Variants in ACTR3C observed in about 807,000 individuals in gnomAD.
The protein encoded by ACTR3C is actin related protein 3C.
In ACTR3C, 18 loss-of-function variants were observed where a neutral mutation model predicts 26.3. The ratio of observed to expected loss-of-function variants is 0.68; its 90% confidence interval spans 0.47 to 1.01. ACTR3C has a LOEUF of 1.01. Among genes scored for constraint, ACTR3C ranks in the 50% least tolerant of loss-of-function variants. The pLI, the probability that ACTR3C is intolerant of heterozygous loss-of-function variation, is 0.00. For missense variants in ACTR3C, 184 were observed against 250.7 expected (o/e 0.73, Z 1.80); for synonymous variants, 55 against 94.5 (o/e 0.58, Z 2.42).
the ACTR3C span, among the ~76,000 whole-genome samples, chr7:149,956,503 T>C: frequency 1.4e-4 from 22 of 152,334 alleles, no homozygotes; most frequent in South Asian, 2.1e-4. Context: ...AACTATACTA[T>C]AGTGAAGTGT....
At chr7:149,963,299 C>T in the ACTR3C span, among the ~76,000 whole-genome samples, 1 of 152,144 alleles carries the variant, frequency 6.6e-6, no homozygotes, top group African/African-American at 2.4e-5. Flanking sequence ...ACAGCCCCAC[C>T]CTGACATTTT....
chr7:150,257,328 A>G lies in ACTR3C; in HGVS notation c.565-8274T>C, dbSNP rs560003965. On this transcript the variant is annotated intron_variant, in intron 6 of 7. Transcript: ENST00000683684. ...GAATGACATAGCTCAGACAATTAGG[A>G]AGACCTAATTTTTAGAACTGCAGAG... 1.6e-4 allele frequency among the ~76,000 whole-genome samples: 24 copies of G among 152,284 alleles called. No homozygotes were observed. The South Asian group carries it at 4.6e-3, about 29-fold the overall frequency.
At chr7:149,896,051 A>G in the ACTR3C span, among the ~76,000 whole-genome samples, 1 of 131,066 alleles carries the variant, frequency 7.6e-6, no homozygotes, top group Admixed American at 7.7e-5. Context: ...AAAAAAAAAA[A>G]AAAAACACAA....
At chr7:150,101,946 C>T in the ACTR3C span, among the ~76,000 whole-genome samples, 91 of 151,754 alleles carry the variant, frequency 6.0e-4, 4 homozygotes, top group Middle Eastern at 3.4e-3. Context: ...GTTACAAAAG[C>T]TTTAATAGGA....
At chr7:150,060,676 C>T in the ACTR3C span, among the ~76,000 whole-genome samples, 2 of 152,276 alleles carry the variant, frequency 1.3e-5, no homozygotes, top group Non-Finnish European at 2.9e-5. Context: ...TGGAGCTTGA[C>T]CTCGCCACTT....
the ACTR3C span, among the ~76,000 whole-genome samples, chr7:149,978,866 G>T: frequency 6.6e-6 from 1 of 152,062 alleles, no homozygotes; most frequent in South Asian, 2.1e-4. Context: ...TTCTCAAGAG[G>T]ACTGATCCCA....
At chr7:150,041,917 G>GA in the ACTR3C span, among the ~76,000 whole-genome samples, 7 of 151,282 alleles carry the variant, frequency 4.6e-5, no homozygotes, top group Non-Finnish European at 8.9e-5. Flanking sequence ...AGCCAGGGGG[G>GA]GAAGAGGGTC....
chr7:149,958,462 C>G, the ACTR3C span, among the ~76,000 whole-genome samples: 1 of 152,204 alleles, frequency 6.6e-6, no homozygotes, highest in Non-Finnish European at 1.5e-5. Flanking sequence ...TACAGAGTTA[C>G]CTGCCTGATC....
the ACTR3C span, among the ~76,000 whole-genome samples, chr7:150,137,269 A>AATACCAGC: frequency 6.6e-6 from 1 of 152,126 alleles, no homozygotes; most frequent in Non-Finnish European, 1.5e-5. Flanking sequence ...AGGAGTACTA[A>AATACCAGC]ATACCAGCAA....
At chr7:150,299,752 C>T (rs531576707) in intron 1 of ACTR3C, among the ~76,000 whole-genome samples, 2 of 152,164 alleles carry the variant, frequency 1.3e-5, no homozygotes, top group Admixed American at 6.5e-5. Context: ...TGCCACTGTA[C>T]TCCAGCCTGG....
chr7:149,992,538 AC>A, the ACTR3C span, among the ~76,000 whole-genome samples: 2 of 152,128 alleles, frequency 1.3e-5, no homozygotes, highest in African/African-American at 4.8e-5. Context: ...GAAATGCACA[AC>A]CCCTTCCCGT....
At chr7:150,156,318 A>G in the ACTR3C span, among the ~76,000 whole-genome samples, 1,050 of 152,178 alleles carry the variant, frequency 6.9e-3, 16 homozygotes, top group African/African-American at 0.024. Context: ...CTAATAGAAC[A>G]GCTCATCAAA....
the ACTR3C span, among the ~76,000 whole-genome samples, chr7:150,163,162 G>GA: frequency 4.8e-5 from 7 of 146,240 alleles, no homozygotes; most frequent in Admixed American, 1.3e-4. Context: ...TCAAAAAAAA[G>GA]AAAAAAAAGT....
the ACTR3C span, among the ~76,000 whole-genome samples, chr7:150,041,792 G>T: frequency 7.3e-6 from 1 of 137,426 alleles, no homozygotes; most frequent in East Asian, 2.2e-4. Flanking sequence ...TGCCTCGCGG[G>T]GGGTGCCTCC....
At chr7:150,042,460 A>C in the ACTR3C span, among the ~76,000 whole-genome samples, 1 of 140,664 alleles carries the variant, frequency 7.1e-6, no homozygotes, top group Non-Finnish European at 1.5e-5. Flanking sequence ...GCAAAGAGCC[A>C]GGGGAGGAAA....
chr7:150,172,429 C>G, the ACTR3C span, among the ~76,000 whole-genome samples: 1 of 150,540 alleles, frequency 6.6e-6, no homozygotes, highest in African/African-American at 2.5e-5. Context: ...TTCACTATTA[C>G]GAGAATAGCA....
the ACTR3C span, among the ~76,000 whole-genome samples, chr7:149,921,378 C>T: frequency 1.3e-5 from 2 of 152,262 alleles, no homozygotes; most frequent in South Asian, 4.1e-4. Context: ...TCAGTGATTT[C>T]AGAACCACTG....
At chr7:150,155,410 T>C in the ACTR3C span, among the ~76,000 whole-genome samples, 8 of 152,162 alleles carry the variant, frequency 5.3e-5, no homozygotes, top group African/African-American at 1.9e-4. Flanking sequence ...TCTGTGGAAT[T>C]TGAGAATTCA....
chr7:150,204,564 C>T, the ACTR3C span, among the ~76,000 whole-genome samples: 1 of 152,118 alleles, frequency 6.6e-6, no homozygotes, highest in African/African-American at 2.4e-5. Context: ...GTATTTGTCA[C>T]ATCCAGAGAG....
Sources: gnomAD v4.1 joint callset for allele counts (sites outside exome capture counted in the v4.1 genomes callset) on GRCh38, gnomAD v4.1.1 for gene constraint, MANE v1.5 for transcripts, NCBI Gene and HGNC (gene_info 2026-07-23, HGNC 2026-07-21) for gene names.